The following RGPD8 variants were observed in gnomAD, a reference collection of about 807,000 sequenced individuals.
The protein encoded by RGPD8 is RANBP2-like and GRIP domain-containing protein 8.
Under a neutral mutation model 89.1 loss-of-function variants are expected in RGPD8, and 15 were observed. The ratio of observed to expected loss-of-function variants is 0.17; its 90% CI spans 0.11 to 0.26. The LOEUF (loss-of-function observed/expected upper bound fraction) is 0.26, where lower values mean the gene tolerates loss of function less well. Among genes scored for constraint, RGPD8 ranks in the 10% least tolerant of loss-of-function variants. RGPD8 has a pLI of 1.00. For synonymous variants in RGPD8, 62 were observed against 420.9 expected, an observed-to-expected ratio of 0.15 and a Z score of 10.44; for missense variants, 178 against 1,179.6, an observed-to-expected ratio of 0.15 and a Z score of 12.44.
intron 6 of RGPD8, among the ~76,000 whole-genome samples, chr2:112,413,588 T>C (rs1411318665): frequency 7.6e-6 from 1 of 132,286 alleles, no homozygotes; most frequent in Non-Finnish European, 1.6e-5. Context: ...TCTAAAGATC[T>C]CTGAGGGTGC....
intron 1 of RGPD8, among the ~76,000 whole-genome samples, chr2:112,430,698 T>C (rs1679991429): frequency 6.6e-6 from 1 of 151,444 alleles, no homozygotes; most frequent in East Asian, 1.9e-4. Flanking sequence ...GCAGAGTGGC[T>C]CACACCTGTA....
At chr2:112,402,624 G>A (rs1678913229) in intron 9 of RGPD8, among the ~76,000 whole-genome samples, 3 of 145,686 alleles carry the variant, frequency 2.1e-5, no homozygotes, top group African/African-American at 7.8e-5. Context: ...CTTTGTCTCA[G>A]TAATTCTGTT....
chr2:112,382,092 C>T (rs1678324912), intron 20 of RGPD8, among the ~76,000 whole-genome samples: 1 of 152,090 alleles, frequency 6.6e-6, no homozygotes, highest in Non-Finnish European at 1.5e-5. Context: ...CGAGACTGGC[C>T]TAGCCTCCCA....
chr2:112,411,013 AG>A, intron 7 of RGPD8, among the ~76,000 whole-genome samples: 1 of 151,990 alleles, frequency 6.6e-6, no homozygotes, highest in Non-Finnish European at 1.5e-5. Context: ...TGAACCCGGG[AG>A]GCAGAGGTTG....
chr2:112,429,415 C>CAAAAAAAAAAAA (rs71412832), intron 1 of RGPD8, among the ~76,000 whole-genome samples: 3 of 45,718 alleles, frequency 6.6e-5, no homozygotes, highest in Admixed American at 2.6e-4. Context: ...GACTCCGTCT[C>CAAAAAAAAAAAA]AAAAAAAAAA....
rs1461258447 is a variant in RGPD8, at chr2:112,433,553, C to A, written c.-100G>T. 3 of 1,259,426 alleles carry A rather than the reference C, an allele frequency of 2.4e-6. No homozygotes were observed. Among genetic ancestry groups the A allele is most frequent in the African/African-American group, 1.5e-5 (1 of 64,924 alleles). The allele number at this position is 1,259,426 out of a possible 1,614,324, so 78.0% of individuals were successfully genotyped here. A position where few individuals can be genotyped will look rare whatever the true frequency, so the allele number is the denominator to read the frequency against. On this transcript the variant is annotated 5_prime_UTR_variant, in exon 1 of 23. Coordinates refer to ENST00000302558, the MANE Select transcript of RGPD8 (RefSeq NM_001164463.1). The stretch of plus-strand genomic sequence containing the variant: ...AAGTGCCTGCAAGCCACTGAAGCAG[C>A]GGCGTAGCCGGCGGAGGCCCACTGT...
chr2:112,429,171 A>G (rs1679905329), intron 1 of RGPD8, among the ~76,000 whole-genome samples: 1 of 151,960 alleles, frequency 6.6e-6, no homozygotes, highest in Non-Finnish European at 1.5e-5. Flanking sequence ...CTGTAATCCC[A>G]GCACTTTGGG....
intron 7 of RGPD8, among the ~76,000 whole-genome samples, chr2:112,408,576 A>T (rs1240618962): frequency 6.7e-6 from 1 of 149,810 alleles, no homozygotes; most frequent in Non-Finnish European, 1.5e-5. Flanking sequence ...TCAATTCATA[A>T]ACCCGGCCTC....
chr2:112,426,240 A>C (rs1273554207), intron 1 of RGPD8, among the ~76,000 whole-genome samples: 1 of 152,204 alleles, frequency 6.6e-6, no homozygotes, highest in African/African-American at 2.4e-5. Flanking sequence ...AATAAAATAA[A>C]GGTCACTTGA....
chr2:112,414,157 T>G (rs1411953715), intron 6 of RGPD8, among the ~76,000 whole-genome samples: 1 of 146,622 alleles, frequency 6.8e-6, no homozygotes, highest in Non-Finnish European at 1.5e-5. Flanking sequence ...TTTTTGCTGT[T>G]GGGAAATAGT....
intron 22 of RGPD8, among the ~76,000 whole-genome samples, chr2:112,374,801 G>T (rs1354969639): frequency 7.9e-6 from 1 of 126,820 alleles, no homozygotes; most frequent in Non-Finnish European, 1.7e-5. Context: ...CTTGTTTTTT[G>T]TTTCTCCCAT....
At chr2:112,373,313 C>T (rs555697994) in intron 22 of RGPD8, among the ~76,000 whole-genome samples, 196 of 152,374 alleles carry the variant, frequency 1.3e-3, no homozygotes, top group South Asian at 9.1e-3. Context: ...TACCTTATAA[C>T]GCAGAGTTGT....
intron 1 of RGPD8, among the ~76,000 whole-genome samples, chr2:112,426,378 G>A (rs1449023049): frequency 4.0e-5 from 6 of 150,772 alleles, no homozygotes; most frequent in Non-Finnish European, 7.4e-5. Context: ...TGGGTAGGAC[G>A]GAGCAGGAGG....
chr2:112,432,955 G>C (rs1253510603), intron 1 of RGPD8, among the ~76,000 whole-genome samples: 39 of 101,212 alleles, frequency 3.9e-4, no homozygotes, highest in African/African-American at 4.5e-4. Flanking sequence ...CGAGGCCGCC[G>C]CCGGGCCGGG....
At chr2:112,429,960 C>A (rs1304612983) in intron 1 of RGPD8, among the ~76,000 whole-genome samples, 1 of 152,124 alleles carries the variant, frequency 6.6e-6, no homozygotes, top group Non-Finnish European at 1.5e-5. Context: ...GGCGCTGCCA[C>A]CACGCCCGGC....
rs868025496 is a variant in RGPD8 at position 112,426,821 on chromosome 2, C to T, written c.73-2514G>A. ...ACATAAAGGAACAAGTCCTGTTCCC[C>T]CCTTCCTTTTTTTTTTTTTTTTTGA... On this transcript the variant is annotated intron_variant, in intron 1 of 22. Coordinates refer to ENST00000302558, the MANE Select transcript of RGPD8 (RefSeq NM_001164463.1). Among the ~76,000 whole-genome samples, 27 of 146,546 alleles carry T rather than the reference C, an allele frequency of 1.8e-4. No homozygotes were observed. In the South Asian group the frequency reaches 5.8e-3, roughly 32 times the overall value.
At chr2:112,430,398 T>C (rs1679975468) in intron 1 of RGPD8, among the ~76,000 whole-genome samples, 1 of 152,178 alleles carries the variant, frequency 6.6e-6, no homozygotes, top group Non-Finnish European at 1.5e-5. Flanking sequence ...CACTAGTTAA[T>C]CCATATTCCG....
intron 22 of RGPD8, among the ~76,000 whole-genome samples, chr2:112,372,838 T>C (rs1465678313): frequency 1.3e-5 from 1 of 78,196 alleles, no homozygotes; most frequent in Non-Finnish European, 2.2e-5. Context: ...AGTGTGAGTA[T>C]GCATTCTCTT....
In RGPD8 at chr2:112,433,325, C is replaced by G. The variant is rs946654074; in HGVS notation, c.72+57G>C. 706 of 1,366,746 alleles carry G rather than the reference C, an allele frequency of 5.2e-4. 5 individuals carry two copies. Among genetic ancestry groups the G allele is most frequent in the Non-Finnish European group, 1.9e-4 (199 of 1,029,150 alleles). The allele number at this position is 1,366,746 out of a possible 1,614,324, so 84.7% of individuals were successfully genotyped here. On this transcript the variant is annotated intron_variant, in intron 1 of 22. Transcript: ENST00000302558. ...CATCGAGGCCGCCGCCGGGCCGGGTCGAGGCCGCCGCCGCCCGGCCGGGTC... is the reference window on the plus strand; with the variant it reads ...CATCGAGGCCGCCGCCGGGCCGGGTGGAGGCCGCCGCCGCCCGGCCGGGTC...
Sources: gnomAD v4.1 joint callset for allele counts (sites outside exome capture counted in the v4.1 genomes callset) on GRCh38, gnomAD v4.1.1 for gene constraint, MANE v1.5 for transcripts, NCBI Gene and HGNC (gene_info 2026-07-23, HGNC 2026-07-21) for gene names.